SLC2A9: variants seen among roughly 807,000 people sequenced by gnomAD.
The protein encoded by SLC2A9 is solute carrier family 2, facilitated glucose transporter member 9.
Under a neutral mutation model 50.6 loss-of-function variants are expected in SLC2A9, and 39 were observed. The observed-to-expected ratio is 0.77, with a 90% CI of 0.60 to 1.01. The LOEUF is 1.01. Ranked by LOEUF, SLC2A9 falls within the 50% of genes least tolerant of loss-of-function variation. The pLI, the probability that SLC2A9 is intolerant of heterozygous loss-of-function variation, is 0.00. For synonymous variants in SLC2A9, 324 were observed against 276.9 expected, an observed-to-expected ratio of 1.17 and a Z score of -1.69; for missense variants, 686 against 677.6, an observed-to-expected ratio of 1.01 and a Z score of -0.14.
rs1052992321 is a variant in SLC2A9 at position 9,783,847 on chromosome 4, G to A, written n.386-3782C>T. 3 of 207,658 alleles carry A rather than the reference G, an allele frequency of 1.4e-5. No individual in the cohort carries two copies. In the Admixed American group the frequency reaches 1.6e-4, roughly 11 times the overall value. The allele number at this position is 207,658 out of a possible 1,614,324, so 12.9% of individuals were successfully genotyped here. A position where few individuals can be genotyped will look rare whatever the true frequency, so the allele number is the denominator to read the frequency against. On this transcript the variant is annotated intron_variant and non_coding_transcript_variant, in intron 3 of 3. Transcript: ENST00000503803. ...TTGATTTTTAAACAGCAGGTTGTGT[G>A]TGTGTGCAGTGATGTGGTGGGAGCA...
chr4:9,875,898 G>T (rs1734238805), intron 10 of SLC2A9, among the ~76,000 whole-genome samples: 1 of 152,192 alleles, frequency 6.6e-6, no homozygotes, highest in African/African-American at 2.4e-5. Context: ...CCCTGTAAAA[G>T]GACATCAGAG....
rs1364592586 is a variant in SLC2A9, at chr4:9,898,040, C to T, written c.1114-7329G>A. ...TGGAAGCTGGGAGAGAGGCACGGGA[C>T]ATTCTCCCTCACAGCCCTCAGGAGA... On this transcript the variant is annotated intron_variant, in intron 8 of 11. Coordinates refer to ENST00000264784, the MANE Select transcript of SLC2A9 (RefSeq NM_020041.3). 2.6e-5 allele frequency among the ~76,000 whole-genome samples: 4 copies of T among 152,340 alleles called. No individual in the cohort carries two copies. The South Asian group carries it at 8.3e-4, about 32-fold the overall frequency.
chr4:9,790,710 G>C (rs1462479694), intron 3 of SLC2A9, among the ~76,000 whole-genome samples: 1 of 152,090 alleles, frequency 6.6e-6, no homozygotes, highest in Non-Finnish European at 1.5e-5. Context: ...TTGATGTCTG[G>C]GGCCGACTCC....
chr4:10,007,486 C>T (rs1259962289), intron 2 of SLC2A9, among the ~76,000 whole-genome samples: 2 of 152,220 alleles, frequency 1.3e-5, no homozygotes, highest in Non-Finnish European at 2.9e-5. Context: ...CCTCAGCCAC[C>T]TTTGCAGTGA....
At chr4:9,950,228 C>A (rs1749975831) in intron 5 of SLC2A9, among the ~76,000 whole-genome samples, 1 of 152,212 alleles carries the variant, frequency 6.6e-6, no homozygotes, top group Non-Finnish European at 1.5e-5. Context: ...TCAACACTAA[C>A]AATAACAGGT....
chr4:10,013,018 A>T (rs10939655), intron 2 of SLC2A9, among the ~76,000 whole-genome samples: 66,637 of 151,650 alleles, frequency 0.44, 16,212 homozygotes, highest in South Asian at 0.59. Context: ...GTGGAAACAG[A>T]GAAACCAGTT....
At chr4:9,842,262 T>C (rs553761998) in intron 10 of SLC2A9, among the ~76,000 whole-genome samples, 4 of 152,344 alleles carry the variant, frequency 2.6e-5, no homozygotes, top group Non-Finnish European at 4.4e-5. Context: ...AAGTTATTGG[T>C]ATTTCTTGTG....
intron 6 of SLC2A9, among the ~76,000 whole-genome samples, chr4:9,929,015 G>T (rs528765069): frequency 3.9e-5 from 6 of 152,210 alleles, no homozygotes; most frequent in African/African-American, 1.2e-4. Flanking sequence ...GGTTGAAGCC[G>T]CTTCATCAAG....
downstream of SLC2A9, among the ~76,000 whole-genome samples, chr4:9,795,913 C>T (rs886780072): frequency 2.0e-5 from 3 of 152,188 alleles, no homozygotes; most frequent in African/African-American, 4.8e-5. Flanking sequence ...CATGCAAATG[C>T]TCTGTGTTAA....
At chr4:9,983,190 A>G (rs1425767182) in intron 4 of SLC2A9, among the ~76,000 whole-genome samples, 2 of 152,162 alleles carry the variant, frequency 1.3e-5, no homozygotes, top group African/African-American at 2.4e-5. Flanking sequence ...ACATCACCCA[A>G]CAAGGGAGGC....
chr4:9,843,121 G>A (rs1182064245), intron 10 of SLC2A9, among the ~76,000 whole-genome samples: 1 of 152,106 alleles, frequency 6.6e-6, no homozygotes, highest in African/African-American at 2.4e-5. Flanking sequence ...CTTTTGGCCT[G>A]CCACAATGTG....
chr4:9,843,944 A>G (rs1192296574), intron 10 of SLC2A9, among the ~76,000 whole-genome samples: 2 of 152,130 alleles, frequency 1.3e-5, no homozygotes, highest in Admixed American at 6.5e-5. Flanking sequence ...CCAATAACAT[A>G]TAGTGGCTCT....
At chr4:9,931,910 A>C (rs1745994624) in intron 6 of SLC2A9, among the ~76,000 whole-genome samples, 33 of 62,716 alleles carry the variant, frequency 5.3e-4, no homozygotes, top group South Asian at 3.9e-3. Context: ...TGAAATGAGA[A>C]TGACTCTCTC....
chr4:10,003,593 G>A (rs140192925), intron 2 of SLC2A9, among the ~76,000 whole-genome samples: 200 of 152,268 alleles, frequency 1.3e-3, no homozygotes, highest in African/African-American at 4.5e-3. Flanking sequence ...GCAACTGAAC[G>A]TTTGTCTTCC....
intron 7 of SLC2A9, among the ~76,000 whole-genome samples, chr4:9,913,565 C>T (rs1742292986): frequency 6.6e-6 from 1 of 152,178 alleles, no homozygotes; most frequent in African/African-American, 2.4e-5. Flanking sequence ...CCTTTCCCTT[C>T]TATTTCCTGT....
chr4:9,936,741 T>A (rs1192330744), intron 6 of SLC2A9, among the ~76,000 whole-genome samples: 1 of 151,964 alleles, frequency 6.6e-6, no homozygotes, highest in Non-Finnish European at 1.5e-5. Flanking sequence ...TGAGCAGAGA[T>A]GACAGGGAGA....
At position 9,964,973 on chromosome 4, in the gene SLC2A9, T is replaced by C. The variant is rs552495053; in HGVS notation, c.681+15619A>G. 2.6e-5 allele frequency among the ~76,000 whole-genome samples: 4 copies of C among 152,308 alleles called. No individual in the cohort carries two copies. In the South Asian group the frequency reaches 8.3e-4, roughly 32 times the overall value. ...GCTCTGAGACTGAGCTTTTCATCTGTAAAATAGAAATTTCATAACATCTTT... is the reference window on the plus strand; with the variant it reads ...GCTCTGAGACTGAGCTTTTCATCTGCAAAATAGAAATTTCATAACATCTTT... On this transcript the variant is annotated intron_variant, in intron 5 of 11. Coordinates refer to ENST00000264784, the MANE Select transcript of SLC2A9 (RefSeq NM_020041.3).
chr4:9,925,309 C>T lies in SLC2A9; in HGVS notation c.815-4737G>A, dbSNP rs182812889. On this transcript the variant is annotated intron_variant, in intron 6 of 11. Coordinates refer to ENST00000264784, the MANE Select transcript of SLC2A9 (RefSeq NM_020041.3). ...GGCTAATCACTGTTACCCTCTCATC[C>T]GGGTCGCTCTTGCACCTGTGTCTGT... 2.1e-4 allele frequency among the ~76,000 whole-genome samples: 32 copies of T among 152,262 alleles called. No individual in the cohort carries two copies. In the East Asian group the frequency reaches 2.1e-3, roughly 10 times the overall value.
intron 3 of SLC2A9, among the ~76,000 whole-genome samples, chr4:9,800,434 C>A (rs1300095804): frequency 6.6e-6 from 1 of 152,136 alleles, no homozygotes; most frequent in Non-Finnish European, 1.5e-5. Flanking sequence ...TGGACACAGG[C>A]ATGTATAGAA....
Sources: gnomAD v4.1 joint callset for allele counts (sites outside exome capture counted in the v4.1 genomes callset) on GRCh38, gnomAD v4.1.1 for gene constraint, MANE v1.5 for transcripts, NCBI Gene and HGNC (gene_info 2026-07-23, HGNC 2026-07-21) for gene names.